The following STXBP5 variants were observed in gnomAD, a reference collection of about 807,000 sequenced individuals.
The protein encoded by STXBP5 is syntaxin-binding protein 5.
A neutral mutation model predicts 152.4 loss-of-function variants in STXBP5; 50 were observed. That is an observed-to-expected ratio of 0.33 (90% CI 0.26 to 0.42). The LOEUF (loss-of-function observed/expected upper bound fraction) is 0.42. Ranked by LOEUF, STXBP5 falls within the 10% of genes least tolerant of loss-of-function variation. The pLI, the probability that STXBP5 is intolerant of heterozygous loss-of-function variation, is 1.00. For missense variants in STXBP5, 1,167 were observed against 1,388.6 expected, an observed-to-expected ratio of 0.84 and a Z score of 2.54; for synonymous variants, 492 against 494.7, an observed-to-expected ratio of 0.99 and a Z score of 0.07.
intron 4 of STXBP5, among the ~76,000 whole-genome samples, chr6:147,242,005 G>A (rs1264058862): frequency 6.6e-6 from 1 of 151,934 alleles, no homozygotes; most frequent in Non-Finnish European, 1.5e-5. Flanking sequence ...AGGTCCTTCA[G>A]GAAATATTCC....
intron 8 of STXBP5, among the ~76,000 whole-genome samples, chr6:147,290,590 A>G (rs1781230539): frequency 1.3e-5 from 2 of 152,206 alleles, no homozygotes. Flanking sequence ...TCTCTGACAC[A>G]TTTTATAGAG....
intron 18 of STXBP5, among the ~76,000 whole-genome samples, chr6:147,329,132 A>G (rs897082797): frequency 2.0e-5 from 3 of 151,644 alleles, no homozygotes; most frequent in African/African-American, 7.2e-5. Context: ...ATACTAGCTT[A>G]TGTAAAATTG....
intron 7 of STXBP5, among the ~76,000 whole-genome samples, chr6:147,271,796 A>ATTTC (rs1048832442): frequency 6.6e-6 from 1 of 152,164 alleles, no homozygotes; most frequent in African/African-American, 2.4e-5. Flanking sequence ...TCAATGAAAT[A>ATTTC]GCTAACAGAA....
chr6:147,370,140 C>T (rs1241141010), intron 25 of STXBP5, among the ~76,000 whole-genome samples: 1 of 151,514 alleles, frequency 6.6e-6, no homozygotes, highest in Non-Finnish European at 1.5e-5. Flanking sequence ...ATGAAAGGAG[C>T]CAAGAAAAAG....
intron 2 of STXBP5, among the ~76,000 whole-genome samples, chr6:147,228,022 C>G (rs1163666858): frequency 6.6e-6 from 1 of 152,028 alleles, no homozygotes; most frequent in Non-Finnish European, 1.5e-5. Context: ...TGAATACCTC[C>G]TTGTTCTTCT....
intron 2 of STXBP5, among the ~76,000 whole-genome samples, chr6:147,229,587 T>C (rs1777892354): frequency 1.3e-5 from 2 of 151,982 alleles, no homozygotes; most frequent in African/African-American, 4.8e-5. Context: ...GTCTTGCATT[T>C]CTTCGGATAA....
chr6:147,346,893 G>C (rs1244678357), intron 21 of STXBP5, among the ~76,000 whole-genome samples: 1 of 152,134 alleles, frequency 6.6e-6, no homozygotes, highest in African/African-American at 2.4e-5. Context: ...TGTCATCCTT[G>C]AGAAAATGGA....
At position 147,382,894 on chromosome 6, in the gene STXBP5, G is replaced by A; in HGVS notation, c.3310G>A (p.Ala1104Thr). The change falls in exon 27 of 28, where the codon GCC (alanine) becomes ACC (threonine). Residue 1104 changes from alanine (A) to threonine (T), a missense_variant. By Grantham distance (58) the Ala-to-Thr change is moderately conservative (BLOSUM62 0). Transcript: ENST00000321680. ...ASGVVGELAR[A>T]RLALDERGQK... ...TGGAGTTGTTGGTGAATTAGCACGA[G>A]CCAGGCTGGCACTAGATGAAAGAGG... is the stretch of plus-strand genomic sequence containing the variant. 6.2e-7 allele frequency: 1 copy of A among 1,613,520 alleles called. No individual in the cohort carries two copies. Among genetic ancestry groups the A allele is most frequent in the African/African-American group, 1.3e-5 (1 of 74,964 alleles).
chr6:147,213,445 T>G (rs1776975034), intron 2 of STXBP5, among the ~76,000 whole-genome samples: 1 of 105,092 alleles, frequency 9.5e-6, no homozygotes, highest in African/African-American at 3.2e-5. Context: ...TGTGTGTGTG[T>G]GTGTGTGTGT....
chr6:147,293,882 TGAA>T (rs138577329), intron 9 of STXBP5, among the ~76,000 whole-genome samples: 5,374 of 152,292 alleles, frequency 0.035, 143 homozygotes, highest in Admixed American at 0.054. Context: ...GTGCTGAATG[TGAA>T]GAAGAAGATA....
intron 9 of STXBP5, among the ~76,000 whole-genome samples, chr6:147,300,213 A>G (rs1472715870): frequency 6.6e-6 from 1 of 152,114 alleles, no homozygotes; most frequent in Non-Finnish European, 1.5e-5. Context: ...ATATTGTTAA[A>G]ATGTCCACAC....
At chr6:147,358,972 G>A (rs545977205) in intron 22 of STXBP5, 112 bp from the exon 23 acceptor site, 28 of 1,215,358 alleles carry the variant, frequency 2.3e-5, no homozygotes, top group South Asian at 1.4e-4. Flanking sequence ...TAAATATGAC[G>A]TAGGTTTTGT....
At chr6:147,281,394 A>G (rs1466688826) in intron 8 of STXBP5, among the ~76,000 whole-genome samples, 1 of 152,194 alleles carries the variant, frequency 6.6e-6, no homozygotes, top group Non-Finnish European at 1.5e-5. Context: ...GTACAAAACT[A>G]CATTCTGCAT....
intron 2 of STXBP5, among the ~76,000 whole-genome samples, chr6:147,220,842 C>G (rs1442789333): frequency 6.6e-6 from 1 of 152,108 alleles, no homozygotes; most frequent in Non-Finnish European, 1.5e-5. Context: ...TTAATTGGTG[C>G]ATTTAGGCCA....
intron 16 of STXBP5, among the ~76,000 whole-genome samples, chr6:147,317,024 A>AGGAAGAC: frequency 6.6e-6 from 1 of 152,354 alleles, no homozygotes; most frequent in African/African-American, 2.4e-5. Flanking sequence ...GAAAAAGTAC[A>AGGAAGAC]TGAAGACTAT....
intron 9 of STXBP5, among the ~76,000 whole-genome samples, chr6:147,303,658 G>A (rs1049171777): frequency 6.6e-6 from 1 of 152,212 alleles, no homozygotes; most frequent in Non-Finnish European, 1.5e-5. Flanking sequence ...AGGCGAGTTT[G>A]CAGCTTCCTA....
chr6:147,333,173 T>TA (rs1334590040), intron 18 of STXBP5, among the ~76,000 whole-genome samples: 2 of 152,208 alleles, frequency 1.3e-5, no homozygotes, highest in African/African-American at 4.8e-5. Context: ...CTTAGATCTG[T>TA]AAAAACCAGG....
rs1026285054 is a variant in STXBP5, at chr6:147,295,580, C to T, written c.917+4408C>T. Among the ~76,000 whole-genome samples, 12 of 152,280 alleles carry T rather than the reference C, an allele frequency of 7.9e-5. No homozygotes were observed. In the East Asian group the frequency reaches 1.4e-3, roughly 17 times the overall value. ...CATGGAGTATGGCAACCCAGGATGA[C>T]GGCATAGAGGGGGAGCAAAACACCC... On this transcript the variant is annotated intron_variant, in intron 9 of 27. Transcript: ENST00000321680.
At chr6:147,237,606 G>A (rs1406940454) in intron 3 of STXBP5, among the ~76,000 whole-genome samples, 2 of 152,148 alleles carry the variant, frequency 1.3e-5, no homozygotes, top group South Asian at 2.1e-4. Flanking sequence ...TAGATAAAAC[G>A]ATGCTTTTAG....
Sources: gnomAD v4.1 joint callset for allele counts (sites outside exome capture counted in the v4.1 genomes callset) on GRCh38, gnomAD v4.1.1 for gene constraint, MANE v1.5 for transcripts, NCBI Gene and HGNC (gene_info 2026-07-23, HGNC 2026-07-21) for gene names.